SMYD3: variants seen among roughly 807,000 people sequenced by gnomAD.
SMYD3 encodes SET and MYND domain containing 3.
In SMYD3, 36 loss-of-function variants were observed where a neutral mutation model predicts 57.7. The observed-to-expected ratio is 0.62, with a 90% CI of 0.48 to 0.82. The LOEUF is 0.82. Ranked by LOEUF, SMYD3 falls within the 40% of genes least tolerant of loss-of-function variation. The pLI is 0.00. For synonymous variants in SMYD3, 211 were observed against 195.0 expected (o/e 1.08, Z -0.68); for missense variants, 515 against 538.8 (o/e 0.96, Z 0.44).
intron 1 of SMYD3, among the ~76,000 whole-genome samples, chr1:246,442,103 G>A (rs545998251): frequency 2.1e-4 from 32 of 152,308 alleles, no homozygotes; most frequent in African/African-American, 7.7e-4. Context: ...CATATAATAA[G>A]TGCTACAATG....
chr1:246,464,027 C>G (rs1231363295), intron 1 of SMYD3, among the ~76,000 whole-genome samples: 1 of 151,964 alleles, frequency 6.6e-6, no homozygotes, highest in Non-Finnish European at 1.5e-5. Context: ...GATGAGCCTG[C>G]AAAGGAAGCT....
intron 6 of SMYD3, among the ~76,000 whole-genome samples, chr1:245,928,669 A>G (rs10754488): frequency 0.83 from 126,161 of 151,700 alleles, 53,164 homozygotes; most frequent in Middle Eastern, 0.91. Context: ...GTGAGACTCC[A>G]TCTCAAAAAA....
At chr1:246,119,122 G>A (rs1261674995) in intron 5 of SMYD3, among the ~76,000 whole-genome samples, 1 of 152,136 alleles carries the variant, frequency 6.6e-6, no homozygotes, top group Admixed American at 6.6e-5. Context: ...CAGGGCTAAA[G>A]CCATCCTCTC....
chr1:246,376,428 T>G (rs1345929015), intron 1 of SMYD3, among the ~76,000 whole-genome samples: 10 of 151,226 alleles, frequency 6.6e-5, no homozygotes, highest in East Asian at 2.0e-4. Flanking sequence ...CCATCTCTAC[T>G]AAAAATACAA....
chr1:246,164,048 G>A (rs1477101962), intron 5 of SMYD3, among the ~76,000 whole-genome samples: 1 of 152,146 alleles, frequency 6.6e-6, no homozygotes, highest in African/African-American at 2.4e-5. Context: ...CCCCACCCTA[G>A]CAAGAGTCAA....
At chr1:245,921,768 C>T (rs1233314939) in intron 7 of SMYD3, among the ~76,000 whole-genome samples, 1 of 152,044 alleles carries the variant, frequency 6.6e-6, no homozygotes, top group Non-Finnish European at 1.5e-5. Flanking sequence ...CCAATGTTCT[C>T]ACTTATAAGT....
intron 10 of SMYD3, among the ~76,000 whole-genome samples, chr1:245,765,079 A>AC (rs1558313339): frequency 1.1e-4 from 13 of 114,560 alleles, no homozygotes; most frequent in Admixed American, 3.1e-4. Context: ...CACACACACA[A>AC]AACCACAGTT....
At chr1:246,235,092 G>C (rs2063492638) in intron 5 of SMYD3, among the ~76,000 whole-genome samples, 1 of 152,126 alleles carries the variant, frequency 6.6e-6, no homozygotes, top group Admixed American at 6.5e-5. Context: ...GAGGTCCTTT[G>C]AGCTACTAAC....
intron 5 of SMYD3, among the ~76,000 whole-genome samples, chr1:246,133,513 A>C (rs2061619360): frequency 6.6e-6 from 1 of 152,112 alleles, no homozygotes; most frequent in Non-Finnish European, 1.5e-5. Flanking sequence ...TTCAGTTTTT[A>C]ATATAGTTTT....
At chr1:245,767,319 C>T (rs993529808) in intron 10 of SMYD3, among the ~76,000 whole-genome samples, 5 of 152,214 alleles carry the variant, frequency 3.3e-5, no homozygotes, top group Middle Eastern at 3.4e-3. Flanking sequence ...GAAGATGCAC[C>T]TACAAGATAC....
chr1:245,933,136 T>G (rs888200072), intron 5 of SMYD3, among the ~76,000 whole-genome samples: 1 of 152,132 alleles, frequency 6.6e-6, no homozygotes, highest in Non-Finnish European at 1.5e-5. Context: ...ATATCAAGAA[T>G]TAAAAGAATG....
chr1:246,472,858 T>C (rs2067979850), intron 1 of SMYD3, among the ~76,000 whole-genome samples: 1 of 133,118 alleles, frequency 7.5e-6, no homozygotes, highest in Admixed American at 7.4e-5. Flanking sequence ...AATTTCTTTT[T>C]TTTTTTTTTT....
intron 5 of SMYD3, among the ~76,000 whole-genome samples, chr1:246,218,228 T>TAAAAAA (rs141992207): frequency 6.6e-6 from 1 of 150,954 alleles, no homozygotes; most frequent in East Asian, 2.0e-4. Flanking sequence ...AGAAAACCTG[T>TAAAAAA]TAAAAAAAAA....
In SMYD3 at chr1:245,858,754, T is replaced by C. The variant is rs2051384184; in HGVS notation, c.902-84A>G. 1.6e-5 allele frequency: 23 copies of C among 1,437,240 alleles called. 1 individual carries two copies. In the South Asian group the frequency reaches 3.0e-4, roughly 18 times the overall value. 89.0% of individuals were successfully genotyped at this position (1,437,240 alleles called of 1,614,324 possible). On this transcript the variant is annotated intron_variant, in intron 9 of 11. Transcript: ENST00000490107. ...TAGATTCTCTAAAAGGCTAAAGAGC[T>C]CCCAAGCACAGGAGCGAGGGAAGCA...
In SMYD3 at chr1:246,251,487, T is replaced by TAGGTGCCGCGGACACTGC. The variant is rs1488865627; in HGVS notation, c.531+75713_531+75714insGCAGTGTCCGCGGCACCT. 2.1e-5 allele frequency among the ~76,000 whole-genome samples: 2 copies of TAGGTGCCGCGGACACTGC among 93,882 alleles called. 1 individual carries two copies. Among genetic ancestry groups the TAGGTGCCGCGGACACTGC allele is most frequent in the Non-Finnish European group, 4.3e-5 (2 of 46,660 alleles). The allele number at this position is 93,882 out of a possible 152,430, so 61.6% of individuals were successfully genotyped here. ...GCTTTAGTAGGTGCCTCGGACACTG[T>TAGGTGCCGCGGACACTGC]GCCCGGCTTTAGTAGGTGCCGCGGA... is the stretch of plus-strand genomic sequence containing the variant. On this transcript the variant is annotated intron_variant, in intron 5 of 11. Coordinates refer to ENST00000490107, the MANE Select transcript of SMYD3 (RefSeq NM_001167740.2).
chr1:246,003,759 T>C (rs2059121710), intron 5 of SMYD3, among the ~76,000 whole-genome samples: 1 of 152,244 alleles, frequency 6.6e-6, no homozygotes, highest in Non-Finnish European at 1.5e-5. Context: ...AATATAAATA[T>C]CTCACACATC....
intron 1 of SMYD3, among the ~76,000 whole-genome samples, chr1:246,371,538 A>G (rs371929435): frequency 1.5e-4 from 23 of 152,332 alleles, no homozygotes; most frequent in East Asian, 9.6e-4. Context: ...ATTGAAATCA[A>G]ACACCCTTTA....
At chr1:246,282,127 T>C (rs561540658) in intron 5 of SMYD3, among the ~76,000 whole-genome samples, 2 of 151,686 alleles carry the variant, frequency 1.3e-5, no homozygotes, top group Non-Finnish European at 2.9e-5. Flanking sequence ...CATGGCATAG[T>C]AGGAAAGACA....
At chr1:245,869,751 G>T (rs1436151200) in intron 8 of SMYD3, among the ~76,000 whole-genome samples, 1 of 152,032 alleles carries the variant, frequency 6.6e-6, no homozygotes, top group Non-Finnish European at 1.5e-5. Flanking sequence ...TGACTTCACT[G>T]CACCCACTCT....
Sources: gnomAD v4.1 joint callset for allele counts (sites outside exome capture counted in the v4.1 genomes callset) on GRCh38, gnomAD v4.1.1 for gene constraint, MANE v1.5 for transcripts, NCBI Gene and HGNC (gene_info 2026-07-23, HGNC 2026-07-21) for gene names.